The following MAGI1 variants were observed in gnomAD, a reference collection of about 807,000 sequenced individuals.
MAGI1 encodes membrane-associated guanylate kinase, WW and PDZ domain-containing protein 1.
Under a neutral mutation model 139.9 loss-of-function variants are expected in MAGI1, and 58 were observed. The observed-to-expected ratio is 0.41, with a 90% CI of 0.34 to 0.52. The LOEUF is 0.52. Ranked by LOEUF, MAGI1 falls within the 20% of genes least tolerant of loss-of-function variation. MAGI1 has a pLI of 0.12. For missense variants in MAGI1, 1,874 were observed against 1,901.6 expected (o/e 0.99, Z 0.27); for synonymous variants, 812 against 737.9 (o/e 1.10, Z -1.63).
chr3:65,939,389 G>T (rs935593908), intron 1 of MAGI1, among the ~76,000 whole-genome samples: 3 of 152,154 alleles, frequency 2.0e-5, no homozygotes, highest in African/African-American at 7.2e-5. Flanking sequence ...ACTGTAGGGG[G>T]TAAAATCAAT....
At chr3:65,432,286 A>G (rs1190928462) in intron 10 of MAGI1, among the ~76,000 whole-genome samples, 1 of 152,052 alleles carries the variant, frequency 6.6e-6, no homozygotes, top group African/African-American at 2.4e-5. Context: ...CAGCTTCTCC[A>G]TCTGCCCTGT....
chr3:65,502,124 T>A (rs780309863), intron 2 of MAGI1, among the ~76,000 whole-genome samples: 1 of 152,208 alleles, frequency 6.6e-6, no homozygotes, highest in African/African-American at 2.4e-5. Flanking sequence ...TCAAAACCCA[T>A]AGCGCACACC....
At chr3:65,508,931 T>C (rs1015158067) in intron 2 of MAGI1, among the ~76,000 whole-genome samples, 4 of 152,220 alleles carry the variant, frequency 2.6e-5, no homozygotes, top group Non-Finnish European at 5.9e-5. Context: ...AGGCAATCTT[T>C]ATTTCCTCCA....
At chr3:65,890,722 G>A (rs867864564) in intron 1 of MAGI1, among the ~76,000 whole-genome samples, 4 of 152,188 alleles carry the variant, frequency 2.6e-5, no homozygotes, top group South Asian at 4.1e-4. Context: ...GAACCACTAT[G>A]GTTGAAGGAT....
At chr3:65,768,223 C>T (rs929932040) in intron 1 of MAGI1, among the ~76,000 whole-genome samples, 11 of 152,094 alleles carry the variant, frequency 7.2e-5, no homozygotes, top group African/African-American at 2.7e-4. Flanking sequence ...AGTTCTAGAC[C>T]AGCCTGGCCA....
At chr3:66,020,852 C>T (rs959478426) in intron 1 of MAGI1, among the ~76,000 whole-genome samples, 1 of 152,116 alleles carries the variant, frequency 6.6e-6, no homozygotes, top group Non-Finnish European at 1.5e-5. Context: ...ACAGAGCAGT[C>T]AACAGGAGAA....
intron 2 of MAGI1, among the ~76,000 whole-genome samples, chr3:65,556,593 C>T (rs925356683): frequency 6.6e-6 from 1 of 152,160 alleles, no homozygotes; most frequent in Non-Finnish European, 1.5e-5. Flanking sequence ...TGACAATTTT[C>T]CTCCTAAATA....
intron 2 of MAGI1, among the ~76,000 whole-genome samples, chr3:65,526,566 A>G (rs2078389270): frequency 6.6e-6 from 1 of 152,226 alleles, no homozygotes; most frequent in African/African-American, 2.4e-5. Context: ...CTTTATGGAA[A>G]TGCAGTTCAA....
intron 2 of MAGI1, chr3:65,532,930 AC>A (rs1478284140): frequency 6.6e-6 from 1 of 152,198 alleles, no homozygotes; most frequent in Non-Finnish European, 1.5e-5. Flanking sequence ...GTTTAGCAGG[AC>A]CGTCTCTCTC....
intron 6 of MAGI1, among the ~76,000 whole-genome samples, chr3:65,450,319 A>G (rs549418137): frequency 2.6e-5 from 4 of 152,310 alleles, no homozygotes; most frequent in Non-Finnish European, 5.9e-5. Flanking sequence ...AGGAGAGTGA[A>G]AAGAGTCTGT....
intron 5 of MAGI1, among the ~76,000 whole-genome samples, chr3:65,459,549 A>G (rs1949635735): frequency 6.6e-6 from 1 of 152,222 alleles, no homozygotes; most frequent in Non-Finnish European, 1.5e-5. Context: ...ATAACCATAT[A>G]ATCTGCAAAC....
chr3:65,845,407 A>G (rs2058957457), intron 1 of MAGI1, among the ~76,000 whole-genome samples: 1 of 152,140 alleles, frequency 6.6e-6, no homozygotes, highest in African/African-American at 2.4e-5. Flanking sequence ...AATCTCACTA[A>G]GTTTCACCAT....
At chr3:65,797,311 A>C (rs1319243416) in intron 1 of MAGI1, among the ~76,000 whole-genome samples, 2 of 152,218 alleles carry the variant, frequency 1.3e-5, no homozygotes, top group African/African-American at 2.4e-5. Context: ...TAATAGGGGC[A>C]GGATACCTGT....
chr3:65,411,832 C>A (rs1026039702), intron 12 of MAGI1, among the ~76,000 whole-genome samples: 8 of 152,024 alleles, frequency 5.3e-5, no homozygotes, highest in Non-Finnish European at 1.2e-4. Flanking sequence ...AACCTAAGAC[C>A]CTGCCTGAGG....
At chr3:65,488,513 T>A (rs984545096) in intron 3 of MAGI1, among the ~76,000 whole-genome samples, 19 of 11,868 alleles carry the variant, frequency 1.6e-3, no homozygotes, top group South Asian at 9.1e-3. Flanking sequence ...ATTTTTATAT[T>A]TTTTTTTGGT....
At chr3:65,850,061 A>G (rs1024914884) in intron 1 of MAGI1, among the ~76,000 whole-genome samples, 2 of 152,100 alleles carry the variant, frequency 1.3e-5, no homozygotes, top group African/African-American at 2.4e-5. Flanking sequence ...CATACCCTAT[A>G]TTTTTTTCTA....
intron 1 of MAGI1, among the ~76,000 whole-genome samples, chr3:65,869,364 TTTTTTGTTGTTG>T (rs1197134260): frequency 0.011 from 1,308 of 115,830 alleles, 16 homozygotes; most frequent in African/African-American, 0.026. Flanking sequence ...GCAAGACTGG[TTTTTTGTTGTTG>T]TTGTTGTTGT....
At chr3:65,463,501 T>G (rs1949953527) in intron 5 of MAGI1, among the ~76,000 whole-genome samples, 1 of 152,018 alleles carries the variant, frequency 6.6e-6, no homozygotes, top group Non-Finnish European at 1.5e-5. Flanking sequence ...GGATTCGGTT[T>G]GCCAGTATTT....
intron 1 of MAGI1, among the ~76,000 whole-genome samples, chr3:65,772,380 G>C (rs554544972): frequency 1.3e-5 from 2 of 152,224 alleles, no homozygotes; most frequent in South Asian, 4.2e-4. Flanking sequence ...TGATTCAGGG[G>C]GGACTTGAGT....
Sources: allele counts gnomAD v4.1 joint callset (sites outside exome capture counted in the v4.1 genomes callset), GRCh38; gene constraint gnomAD v4.1.1; transcripts MANE v1.5; gene names NCBI Gene and HGNC (gene_info 2026-07-23, HGNC 2026-07-21).